The following ARHGEF10L variants were observed in gnomAD, a reference collection of about 807,000 sequenced individuals.
ARHGEF10L encodes the protein Rho guanine nucleotide exchange factor 10 like, also known as rho guanine nucleotide exchange factor 10-like protein.
A neutral mutation model predicts 141.2 loss-of-function variants in ARHGEF10L; 69 were observed. The ratio of observed to expected loss-of-function variants is 0.49; its 90% CI spans 0.40 to 0.60. ARHGEF10L has a LOEUF of 0.60. Among genes scored for constraint, ARHGEF10L ranks in the 20% least tolerant of loss-of-function variants. The pLI, the probability that ARHGEF10L is intolerant of heterozygous loss-of-function variation, is 0.00. For missense variants in ARHGEF10L, 1,482 were observed against 1,734.3 expected (o/e 0.85, Z 2.58); for synonymous variants, 711 against 718.5 (o/e 0.99, Z 0.17).
intron 26 of ARHGEF10L, among the ~76,000 whole-genome samples, chr1:17,678,925 A>G (rs2063898307): frequency 6.6e-6 from 1 of 152,214 alleles, no homozygotes; most frequent in Admixed American, 6.5e-5. Context: ...AGGGTGATTT[A>G]TAGACCTCTT....
chr1:17,697,309 A>C lies in ARHGEF10L; in HGVS notation c.3769A>C (p.Ser1257Arg), dbSNP rs1224454737. Residue 1257 changes from serine (S) to arginine (R), a missense_variant, in exon 29 of 29, where the codon AGT (serine) becomes CGT (arginine). Around this residue, in one of 3 missense-constraint regions of ARHGEF10L, gnomAD observed 858 missense variants for 966.3 expected, o/e 0.89. Transcript: ENST00000361221. The surrounding 1 kb of genome is among the most constrained non-coding windows in gnomAD (Gnocchi z 4.8). ...YRNFGSALGS[S>R]GRQAPCGETD... The stretch of plus-strand genomic sequence containing the variant: ...CAACTTTGGCAGCGCTCTGGGCAGC[A>C]GTGGGAGGCAGGCCCCGTGTGGGGA... 6.2e-7 allele frequency: 1 copy of C among 1,612,228 alleles called. No individual in the cohort carries two copies. The highest frequency in any genetic ancestry group is 8.5e-7 in the Non-Finnish European group (1 of 1,179,544).
At chr1:17,677,607 G>T (rs192975442) in intron 26 of ARHGEF10L, among the ~76,000 whole-genome samples, 33 of 152,322 alleles carry the variant, frequency 2.2e-4, no homozygotes, top group African/African-American at 7.9e-4. Context: ...GAGATCAGGG[G>T]GGGAGAGACC....
chr1:17,673,291 C>T lies in ARHGEF10L; in HGVS notation c.3009+8696C>T, dbSNP rs1320647352. 6.6e-6 allele frequency among the ~76,000 whole-genome samples: 1 copy of T among 151,936 alleles called. No individual in the cohort carries two copies. The highest frequency in any genetic ancestry group is 2.4e-5 in the African/African-American group (1 of 41,358). ...CCAGCCCCCGATCCTCGCCTCCCCTCCACTCTGTGTGTCTCTTCCACATCC... is the reference window on the plus strand; with the variant it reads ...CCAGCCCCCGATCCTCGCCTCCCCTTCACTCTGTGTGTCTCTTCCACATCC... On this transcript the variant is annotated intron_variant, in intron 26 of 28. Transcript: ENST00000361221. This position sits in a 1 kb window ranked among gnomAD's most constrained non-coding sequence, Gnocchi z 4.1.
rs764289922 is a variant in ARHGEF10L, at chr1:17,696,837, A to G, written c.3308-11A>G. The G allele has an allele frequency of 1.3e-6, 2 of 1,521,278 alleles. No homozygotes were observed. Among genetic ancestry groups the G allele is most frequent in the Non-Finnish European group, 1.8e-6 (2 of 1,133,162 alleles). 94.2% of individuals were successfully genotyped at this position (1,521,278 alleles called of 1,614,324 possible). A position where few individuals can be genotyped will look rare whatever the true frequency, so the allele number is the denominator to read the frequency against. ...TTTGGGCCCCTTTCTCTCTCGCCCC[A>G]TTTTCTGCAGGGAAAGGCATGGTCT... On this transcript the variant is annotated splice_polypyrimidine_tract_variant and intron_variant, in intron 28 of 28. Transcript: ENST00000361221.
rs780104496 is a variant in ARHGEF10L at position 17,656,738 on chromosome 1, G to A, written c.2860+30G>A. ...GGACTGGGGGGAATGGGGGAAGGGG[G>A]GCAGTCCTGGATGCCAGCTGGGTGC... is the stretch of plus-strand genomic sequence containing the variant. On this transcript the variant is annotated intron_variant, in intron 25 of 28. Transcript: ENST00000361221. The surrounding 1 kb of genome is among the most constrained non-coding windows in gnomAD (Gnocchi z 4.9). 5.6e-6 allele frequency: 9 copies of A among 1,599,100 alleles called. No homozygotes were observed. The highest frequency in any genetic ancestry group is 1.7e-5 in the Admixed American group (1 of 59,584).
chr1:17,646,579 C>T (rs996729236), intron 21 of ARHGEF10L, among the ~76,000 whole-genome samples: 13 of 152,084 alleles, frequency 8.5e-5, no homozygotes, highest in Admixed American at 4.6e-4. Flanking sequence ...CACACGCACG[C>T]GTGCACACGT....
intron 26 of ARHGEF10L, among the ~76,000 whole-genome samples, chr1:17,665,442 C>G (rs1186717471): frequency 6.6e-6 from 1 of 152,138 alleles, no homozygotes; most frequent in Non-Finnish European, 1.5e-5. Context: ...AAGGGGGAAA[C>G]TGAGGCACGG....
intron 13 of ARHGEF10L, among the ~76,000 whole-genome samples, chr1:17,624,850 G>T (rs1036579756): frequency 6.6e-6 from 1 of 152,192 alleles, no homozygotes; most frequent in African/African-American, 2.4e-5. Flanking sequence ...TGCTAAGCTG[G>T]TTCCTTTTCC....
chr1:17,518,598 C>G, the ARHGEF10L span, among the ~76,000 whole-genome samples: 10 of 151,686 alleles, frequency 6.6e-5, no homozygotes, highest in African/African-American at 2.2e-4. Flanking sequence ...TTGAGACCAG[C>G]CTAGCCAACA....
intron 27 of ARHGEF10L, among the ~76,000 whole-genome samples, chr1:17,690,586 G>C (rs2065030913): frequency 6.6e-6 from 1 of 152,246 alleles, no homozygotes; most frequent in Admixed American, 6.5e-5. Flanking sequence ...TCTTTTGGCA[G>C]ACCTCCCTGA....
chr1:17,640,992 GA>G (rs777994890), intron 21 of ARHGEF10L, among the ~76,000 whole-genome samples: 2 of 152,202 alleles, frequency 1.3e-5, no homozygotes, highest in African/African-American at 4.8e-5. Flanking sequence ...CTGAGGCCCA[GA>G]GATGTGCGGG....
chr1:17,606,349 A>C (rs2081170365), intron 6 of ARHGEF10L, among the ~76,000 whole-genome samples: 1 of 151,094 alleles, frequency 6.6e-6, no homozygotes, highest in African/African-American at 2.4e-5. Flanking sequence ...GCTGGAGTTC[A>C]GTGGCACGGT....
At chr1:17,628,033 T>C (rs2060480268) in intron 15 of ARHGEF10L, among the ~76,000 whole-genome samples, 1 of 147,564 alleles carries the variant, frequency 6.8e-6, no homozygotes, top group Admixed American at 6.6e-5. Flanking sequence ...GAACATGCTA[T>C]TAAAAAAAAA....
At chr1:17,678,489 G>C (rs891397369) in intron 26 of ARHGEF10L, among the ~76,000 whole-genome samples, 7 of 147,064 alleles carry the variant, frequency 4.8e-5, no homozygotes, top group Non-Finnish European at 1.0e-4. Context: ...GCGTGATCTC[G>C]GCTCACTGCA....
chr1:17,534,933 GC>G (rs1364265283), upstream of ARHGEF10L, among the ~76,000 whole-genome samples: 1 of 152,062 alleles, frequency 6.6e-6, no homozygotes, highest in Non-Finnish European at 1.5e-5. Context: ...AAACTTTTTG[GC>G]CTCAGGAACT....
In ARHGEF10L at chr1:17,576,657, C is replaced by T. The variant is rs923955088; in HGVS notation, c.-43-3896C>T. 2.0e-5 allele frequency among the ~76,000 whole-genome samples: 3 copies of T among 152,144 alleles called. 1 individual carries two copies. Among genetic ancestry groups the T allele is most frequent in the South Asian group, 2.1e-4 (1 of 4,822 alleles). ...CATGGTAACAGAGGCCCCTGTCTAC[C>T]CAGAGCTTACTCCGTGCAGGGCATG... On this transcript the variant is annotated intron_variant, in intron 1 of 28. Transcript: ENST00000361221.
At chr1:17,617,312 A>C (rs2059862488) in intron 9 of ARHGEF10L, among the ~76,000 whole-genome samples, 1 of 152,210 alleles carries the variant, frequency 6.6e-6, no homozygotes, top group South Asian at 2.1e-4. Context: ...TCCTAAAGCC[A>C]TGGGACACAG....
intron 1 of ARHGEF10L, among the ~76,000 whole-genome samples, chr1:17,565,201 C>G (rs2077700219): frequency 1.3e-5 from 2 of 152,178 alleles, no homozygotes; most frequent in Non-Finnish European, 1.5e-5. Context: ...GATACTAATC[C>G]CATTCACGAG....
chr1:17,522,135 G>C, the ARHGEF10L span, among the ~76,000 whole-genome samples: 1 of 152,092 alleles, frequency 6.6e-6, no homozygotes, highest in Non-Finnish European at 1.5e-5. Context: ...GGAGGTGAGA[G>C]TGGGCGTGGC....
Sources: allele counts gnomAD v4.1 joint callset (sites outside exome capture counted in the v4.1 genomes callset), GRCh38; gene constraint gnomAD v4.1.1; regional missense constraint gnomAD v4.1.1; non-coding constraint Gnocchi (gnomAD v3.1); transcripts MANE v1.5; gene names NCBI Gene and HGNC (gene_info 2026-07-23, HGNC 2026-07-21).